SVEP1: variants seen among roughly 807,000 people sequenced by gnomAD.
SVEP1 encodes sushi, von Willebrand factor type A, EGF and pentraxin domain containing 1.
A neutral mutation model predicts 367.3 loss-of-function variants in SVEP1; 164 were observed. The ratio of observed to expected loss-of-function variants is 0.45; its 90% CI spans 0.39 to 0.51. The LOEUF (loss-of-function observed/expected upper bound fraction) is 0.51, where lower values mean the gene tolerates loss of function less well. Among genes scored for constraint, SVEP1 ranks in the 20% least tolerant of loss-of-function variants. SVEP1 has a pLI of 0.00. For synonymous variants in SVEP1, 1,666 were observed against 1,611.6 expected (o/e 1.03, Z -0.81); for missense variants, 4,117 against 4,425.3 (o/e 0.93, Z 1.98).
At chr9:110,404,012 T>G (rs577348838) in intron 39 of SVEP1, among the ~76,000 whole-genome samples, 2 of 152,288 alleles carry the variant, frequency 1.3e-5, no homozygotes, top group South Asian at 4.1e-4. Flanking sequence ...TGGAAACATA[T>G]TGGGCATAGC....
chr9:110,481,630 A>T (rs1829190380), intron 11 of SVEP1, among the ~76,000 whole-genome samples, 194 bp from the exon 12 acceptor site: 1 of 152,162 alleles, frequency 6.6e-6, no homozygotes, highest in Admixed American at 6.5e-5. Flanking sequence ...TACATTGAAA[A>T]GCTGTACCTA....
rs1828041576 is a variant in SVEP1, at chr9:110,411,335, A to T, written c.6376T>A (p.Cys2126Ser). 6.2e-7 allele frequency: 1 copy of T among 1,613,934 alleles called. No individual in the cohort carries two copies. Among genetic ancestry groups the T allele is most frequent in the Admixed American group, 1.7e-5 (1 of 59,996 alleles). ...GGGTTCCACTGCCCACCTCTCATACATTCAATCTTTGCTGAGGTGTTCAGT... is the reference window on the plus strand; with the variant it reads ...GGGTTCCACTGCCCACCTCTCATACTTTCAATCTTTGCTGAGGTGTTCAGT... ...FVLNTSAKIE[C>S]MRGGQWNPSP... Residue 2126 changes from cysteine to serine, a missense_variant, in exon 37 of 48, where the codon TGT (cysteine) becomes AGT (serine). By Grantham distance (112) the Cys-to-Ser change is moderately radical. Around this residue, in one of 4 missense-constraint regions of SVEP1, gnomAD observed 1,765 missense variants for 1,781.1 expected, o/e 0.99. Coordinates refer to ENST00000374469, the MANE Select transcript of SVEP1 (RefSeq NM_153366.4).
intron 36 of SVEP1, among the ~76,000 whole-genome samples, chr9:110,423,168 T>TAAAAAAAAAA: frequency 4.4e-4 from 46 of 103,618 alleles, no homozygotes; most frequent in South Asian, 6.1e-4. Flanking sequence ...AAAAATAAAG[T>TAAAAAAAAAA]AAAAAAAAAA....
intron 27 of SVEP1, among the ~76,000 whole-genome samples, chr9:110,438,603 T>G (rs942164748): frequency 2.0e-5 from 3 of 152,198 alleles, no homozygotes; most frequent in African/African-American, 7.2e-5. Flanking sequence ...GTTTCTAAGT[T>G]TAATACTAAA....
Position 110,532,846 on chromosome 9 carries a change from C to A in SVEP1, c.964+13269G>T, listed in dbSNP as rs554719511. Among the ~76,000 whole-genome samples the A allele has an allele frequency of 7.2e-5, 11 of 152,082 alleles. No homozygotes were observed. The South Asian group carries it at 2.3e-3, about 32-fold the overall frequency. On this transcript the variant is annotated intron_variant, in intron 3 of 47. Coordinates refer to ENST00000374469, the MANE Select transcript of SVEP1 (RefSeq NM_153366.4). ...ACCAAAGTTTCCTCCAGAAACTTTG[C>A]CGAATGTCCCCTGGGGAGGGGGCAA...
intron 9 of SVEP1, 107 bp downstream of exon 9, chr9:110,489,543 T>G (rs1829334500): frequency 9.2e-7 from 1 of 1,084,636 alleles, no homozygotes; most frequent in African/African-American, 1.6e-5. Context: ...CCCACCTCTA[T>G]GATTCAATTA....
intron 3 of SVEP1, among the ~76,000 whole-genome samples, chr9:110,533,627 T>C (rs1830048033): frequency 6.6e-6 from 1 of 151,004 alleles, no homozygotes; most frequent in African/African-American, 2.4e-5. Flanking sequence ...CGTGTGTGTG[T>C]ATTTTGGCAT....
chr9:110,423,889 C>G (rs1165990868), intron 36 of SVEP1, among the ~76,000 whole-genome samples: 1 of 152,150 alleles, frequency 6.6e-6, no homozygotes, highest in Non-Finnish European at 1.5e-5. Context: ...CCCAGTTAAA[C>G]TACAATTTGA....
At chr9:110,514,390 G>A (rs76665138) in intron 3 of SVEP1, among the ~76,000 whole-genome samples, 26,658 of 151,764 alleles carry the variant, frequency 0.18, 2,693 homozygotes, top group Admixed American at 0.26. Context: ...GCGTGTGCCT[G>A]TAATCCTAGC....
chr9:110,545,098 T>C (rs1159050209), intron 3 of SVEP1, among the ~76,000 whole-genome samples: 1 of 152,220 alleles, frequency 6.6e-6, no homozygotes, highest in African/African-American at 2.4e-5. Flanking sequence ...TAGGATTTCA[T>C]TCTTTTTTTA....
chr9:110,399,706 G>A (rs889133050), intron 40 of SVEP1, among the ~76,000 whole-genome samples: 1 of 151,920 alleles, frequency 6.6e-6, no homozygotes, highest in Non-Finnish European at 1.5e-5. Flanking sequence ...GCCATTTTCT[G>A]TATTTTTTGT....
chr9:110,436,371 G>A lies in SVEP1; in HGVS notation c.4764+9C>T, dbSNP rs773068821. On this transcript the variant is annotated intron_variant, in intron 28 of 47. Transcript: ENST00000374469. ...CTCATTACTGTCATACACTGAAAATGGAATTGACCTGCTGTGGAGACAGGA... is the reference window on the plus strand; with the variant it reads ...CTCATTACTGTCATACACTGAAAATAGAATTGACCTGCTGTGGAGACAGGA... 4 of 1,613,838 alleles carry A rather than the reference G, an allele frequency of 2.5e-6. No individual in the cohort carries two copies. In the South Asian group the frequency reaches 4.4e-5, roughly 18 times the overall value.
rs1830217387 is a variant in SVEP1 at position 110,546,106 on chromosome 9, G to A, written c.964+9C>T. 2 of 1,551,878 alleles carry A rather than the reference G, an allele frequency of 1.3e-6. No homozygotes were observed. Among genetic ancestry groups the A allele is most frequent in the East Asian group, 4.9e-5 (2 of 40,928 alleles). On this transcript the variant is annotated intron_variant, in intron 3 of 47. Coordinates refer to ENST00000374469, the MANE Select transcript of SVEP1 (RefSeq NM_153366.4). ...ACAGACAACTGATATACACAGATTG[G>A]AGACTCACCTGTGCATTCATACTGC...
chr9:110,427,073 G>A (rs978484993), intron 36 of SVEP1, among the ~76,000 whole-genome samples: 10 of 152,104 alleles, frequency 6.6e-5, no homozygotes, highest in Non-Finnish European at 1.5e-4. Context: ...TGAGGCAAGT[G>A]GATCACCTGA....
intron 12 of SVEP1, 24 bp downstream of exon 12, chr9:110,481,218 G>A: frequency 6.8e-7 from 1 of 1,461,348 alleles, no homozygotes; most frequent in Non-Finnish European, 9.1e-7. Flanking sequence ...CATTAAAGAA[G>A]TCTAGAATAA....
chr9:110,489,833 T>C, intron 8 of SVEP1, 54 bp from the exon 9 acceptor site: 1 of 1,552,408 alleles, frequency 6.4e-7, no homozygotes, highest in Non-Finnish European at 8.7e-7. Context: ...GCGTTTATTC[T>C]TTTCTGATTT....
Position 110,538,887 on chromosome 9 carries a change from T to A in SVEP1, c.964+7228A>T, listed in dbSNP as rs140803876. Among the ~76,000 whole-genome samples the A allele has an allele frequency of 6.5e-4, 99 of 152,234 alleles. No homozygotes were observed. The East Asian group carries it at 0.018, about 28-fold the overall frequency. On this transcript the variant is annotated intron_variant, in intron 3 of 47. Coordinates refer to ENST00000374469, the MANE Select transcript of SVEP1 (RefSeq NM_153366.4). ...TCAATGTGATTTGATGATCTATCCA[T>A]CTTAAAATGACTAATCTAGGATTTG...
At chr9:110,395,495 C>T (rs1347726847) in intron 40 of SVEP1, among the ~76,000 whole-genome samples, 1 of 152,150 alleles carries the variant, frequency 6.6e-6, no homozygotes, top group East Asian at 1.9e-4. Flanking sequence ...CAAATTCACA[C>T]ATAACAATAT....
chr9:110,423,048 C>T (rs987541096), intron 36 of SVEP1, among the ~76,000 whole-genome samples: 4 of 132,382 alleles, frequency 3.0e-5, no homozygotes, highest in Non-Finnish European at 6.4e-5. Flanking sequence ...TGCAGCGCAC[C>T]AGCATGGCAC....
Sources: gnomAD v4.1 joint callset for allele counts (sites outside exome capture counted in the v4.1 genomes callset) on GRCh38, gnomAD v4.1.1 for gene constraint, gnomAD v4.1.1 regional missense constraint, MANE v1.5 for transcripts, NCBI Gene and HGNC (gene_info 2026-07-23, HGNC 2026-07-21) for gene names.